Variants in ME3 observed in about 807,000 individuals in gnomAD.
ME3 encodes the protein NADP-dependent malic enzyme, mitochondrial.
In ME3, 48 loss-of-function variants were observed where a neutral mutation model predicts 68.9. That is an observed-to-expected ratio of 0.70 (90% CI 0.55 to 0.89). ME3 has a LOEUF of 0.89. ME3 is among the 40% of genes least tolerant of loss of function. The pLI is 0.00. For synonymous variants in ME3, 320 were observed against 318.8 expected, an observed-to-expected ratio of 1.00 and a Z score of -0.04; for missense variants, 675 against 797.4, an observed-to-expected ratio of 0.85 and a Z score of 1.85.
rs748614797 is a variant in ME3, at chr11:86,593,665, T to A, written c.184-33842A>T. On this transcript the variant is annotated intron_variant, in intron 2 of 14. Coordinates refer to ENST00000543262, the Ensembl canonical transcript of ME3. ...TTTCATCACCCAGAGATAGCCACTG[T>A]ATCATTTTGTTCTATTTTCTTCCTA... Among the ~76,000 whole-genome samples the A allele has an allele frequency of 4.1e-5, 6 of 146,700 alleles. 1 individual carries two copies. The highest frequency in any genetic ancestry group is 5.9e-5 in the Non-Finnish European group (4 of 67,244).
At chr11:86,436,213 A>G (rs1334071007), downstream of ME3, 1 of 152,006 alleles carries the variant, frequency 6.6e-6, no homozygotes, top group Non-Finnish European at 1.5e-5. Context: ...TATTATAGCC[A>G]TTCTGGTGAG....
chr11:86,573,080 T>C (rs971706851), intron 2 of ME3, among the ~76,000 whole-genome samples: 4 of 151,982 alleles, frequency 2.6e-5, no homozygotes, highest in Non-Finnish European at 5.9e-5. Context: ...AATGTCTTTT[T>C]TGAGAAGTGT....
chr11:86,615,623 G>T (rs1430412503), intron 2 of ME3, among the ~76,000 whole-genome samples: 3 of 152,120 alleles, frequency 2.0e-5, no homozygotes, highest in Admixed American at 2.0e-4. Flanking sequence ...AGCTATTGAG[G>T]AAGTACTTCA....
intron 2 of ME3, among the ~76,000 whole-genome samples, chr11:86,618,597 T>C (rs1943138959): frequency 6.6e-6 from 1 of 152,208 alleles, no homozygotes; most frequent in Non-Finnish European, 1.5e-5. Context: ...AAATCTCATG[T>C]TGAACTGCAA....
chr11:86,553,815 A>G (rs1027495895), intron 4 of ME3, among the ~76,000 whole-genome samples: 3 of 152,084 alleles, frequency 2.0e-5, no homozygotes, highest in Non-Finnish European at 4.4e-5. Context: ...TGGGAAGTCA[A>G]ACATTCCTGG....
At chr11:86,499,640 G>C (rs1040580888) in intron 5 of ME3, among the ~76,000 whole-genome samples, 1 of 152,118 alleles carries the variant, frequency 6.6e-6, no homozygotes, top group Non-Finnish European at 1.5e-5. Flanking sequence ...TAAGTGTAGA[G>C]ATTCTTAAAA....
intron 2 of ME3, among the ~76,000 whole-genome samples, chr11:86,596,260 G>A (rs553595800): frequency 1.3e-5 from 2 of 152,256 alleles, no homozygotes; most frequent in African/African-American, 4.8e-5. Flanking sequence ...TCTTTGACAA[G>A]GGTTTTCTTT....
chr11:86,637,888 A>G (rs1944438414), intron 2 of ME3, among the ~76,000 whole-genome samples: 1 of 151,946 alleles, frequency 6.6e-6, no homozygotes, highest in Non-Finnish European at 1.5e-5. Context: ...ATTACAGGGC[A>G]CAGGCTTGAT....
rs148658599 is a variant in ME3 at position 86,627,023 on chromosome 11, G to T, written c.183+44739C>A. Among the ~76,000 whole-genome samples the T allele has an allele frequency of 2.4e-3, 359 of 152,252 alleles. 2 individuals carry two copies. The highest frequency in any genetic ancestry group is 8.3e-3 in the African/African-American group (343 of 41,556). On this transcript the variant is annotated intron_variant, in intron 2 of 14. Transcript: ENST00000543262. ...ATTTAGAGGTGGAGAGAGGGAGAAG[G>T]GTTTTCCAAAAGAGGAAAGTAGGTG...
intron 4 of ME3, among the ~76,000 whole-genome samples, chr11:86,510,587 G>A (rs144012154): frequency 0.012 from 1,824 of 152,130 alleles, 48 homozygotes; most frequent in African/African-American, 0.042. Context: ...ATTTTGGGTT[G>A]GATAATTCTT....
At position 86,489,814 on chromosome 11, in the gene ME3, C is replaced by T. The variant is rs144725169; in HGVS notation, c.706-2374G>A. Among the ~76,000 whole-genome samples the T allele has an allele frequency of 7.2e-3, 1,095 of 152,322 alleles. 4 individuals carry two copies. Among genetic ancestry groups the T allele is most frequent in the Non-Finnish European group, 0.011 (732 of 68,028 alleles). On this transcript the variant is annotated intron_variant, in intron 6 of 14. Transcript: ENST00000543262. ...ACTCACCCCCAACTCCTCCCACTCC[C>T]TCCCCCTTTATTCTTCACAGGTGTC...
chr11:86,538,966 AGGT>A, intron 4 of ME3, among the ~76,000 whole-genome samples: 1 of 152,312 alleles, frequency 6.6e-6, no homozygotes, highest in African/African-American at 2.4e-5. Context: ...GACCAGAATT[AGGT>A]CATATATCTA....
intron 6 of ME3, among the ~76,000 whole-genome samples, chr11:86,488,892 T>G (rs1457504780): frequency 6.6e-6 from 1 of 151,806 alleles, no homozygotes; most frequent in Non-Finnish European, 1.5e-5. Context: ...CAGTGATGAG[T>G]GAAGAAATTC....
Position 86,460,935 on chromosome 11 carries a change from C to CT in ME3, c.919+4155_919+4156insA, listed in dbSNP as rs544213590. ...GAGAACACACATCACAGGCTTCTGGCCTGGACCCATCCCTAACCAGCTTGT... is the reference window on the plus strand; with the variant it reads ...GAGAACACACATCACAGGCTTCTGGCTCTGGACCCATCCCTAACCAGCTTGT... On this transcript the variant is annotated intron_variant, in intron 8 of 14. Transcript: ENST00000543262. Among the ~76,000 whole-genome samples, 23 of 152,342 alleles carry CT rather than the reference C, an allele frequency of 1.5e-4. No homozygotes were observed. The East Asian group carries it at 4.4e-3, about 29-fold the overall frequency.
intron 2 of ME3, among the ~76,000 whole-genome samples, chr11:86,650,936 C>T (rs1033615459): frequency 1.4e-4 from 22 of 152,352 alleles, no homozygotes; most frequent in African/African-American, 4.8e-4. Flanking sequence ...AACGGCACAC[C>T]AGGAGATTGT....
chr11:86,491,302 C>T (rs113159046), intron 6 of ME3, among the ~76,000 whole-genome samples: 1 of 152,180 alleles, frequency 6.6e-6, no homozygotes, highest in Non-Finnish European at 1.5e-5. Context: ...ACGAAGCATC[C>T]TCTTCGTCCC....
chr11:86,441,212 G>A, exon 15 of ME3: 3 of 1,351,346 alleles, frequency 2.2e-6, no homozygotes, highest in Non-Finnish European at 2.9e-6. Context: ...GGCCATTTTG[G>A]AACCCATTTA....
intron 2 of ME3, among the ~76,000 whole-genome samples, chr11:86,649,221 A>T (rs535495515): frequency 6.6e-6 from 1 of 152,326 alleles, no homozygotes; most frequent in East Asian, 1.9e-4. Context: ...AAACCACATG[A>T]TTATCTCAAT....
chr11:86,526,889 G>A (rs1235314179), intron 4 of ME3, among the ~76,000 whole-genome samples: 1 of 152,086 alleles, frequency 6.6e-6, no homozygotes. Context: ...ACAGACCAAA[G>A]GTAGATAAAA....
Sources: allele counts gnomAD v4.1 joint callset (sites outside exome capture counted in the v4.1 genomes callset), GRCh38; gene constraint gnomAD v4.1.1; transcripts MANE v1.5; gene names NCBI Gene and HGNC (gene_info 2026-07-23, HGNC 2026-07-21).